AP2M1: variants seen among roughly 807,000 people sequenced by gnomAD.
The protein encoded by AP2M1 is adaptor related protein complex 2 subunit mu 1, also known as AP-2 complex subunit mu.
AP2M1 carries 5 observed loss-of-function variants against 54.5 expected under a neutral mutation model. That is an observed-to-expected ratio of 0.09 (90% confidence interval 0.05 to 0.19). AP2M1 has a LOEUF of 0.19. AP2M1 is among the 10% of genes least tolerant of loss of function. The pLI, the probability that AP2M1 is intolerant of heterozygous loss-of-function variation, is 1.00. For synonymous variants in AP2M1, 186 were observed against 208.2 expected (o/e 0.89, Z 0.92); for missense variants, 178 against 580.2 (o/e 0.31, Z 7.12).
At position 184,178,967 on chromosome 3, in the gene AP2M1, A is replaced by G; in HGVS notation, c.185A>G (p.Asn62Ser). ...AGCTTCTTCCACGTTAAGCGGTCCA[A>G]CATTTGGCTGGCAGCAGTCACCAAG... ...RTSFFHVKRS[N>S]IWLAAVTKQN... The change falls in exon 3 of 12, where the codon AAC becomes AGC. Residue 62 changes from asparagine (N) to serine (S), a missense_variant. Coordinates refer to ENST00000292807, the MANE Select transcript of AP2M1 (RefSeq NM_004068.4). The surrounding 1 kb of genome is among the most constrained non-coding windows in gnomAD (Gnocchi z 4.9). 1 of 1,614,214 alleles carries G rather than the reference A, an allele frequency of 6.2e-7. No individual in the cohort carries two copies. Among genetic ancestry groups the G allele is most frequent in the Non-Finnish European group, 8.5e-7 (1 of 1,180,046 alleles).
rs750151113 is a variant in AP2M1, at chr3:184,182,944, T to C, written c.1173+76T>C. The C allele has an allele frequency of 1.6e-6, 2 of 1,225,326 alleles. No homozygotes were observed. The highest frequency in any genetic ancestry group is 1.3e-5 in the South Asian group (1 of 79,466). 75.9% of individuals were successfully genotyped at this position (1,225,326 alleles called of 1,614,324 possible). On this transcript the variant is annotated intron_variant, in intron 11 of 11. Coordinates refer to ENST00000292807, the MANE Select transcript of AP2M1 (RefSeq NM_004068.4). This position sits in a 1 kb window ranked among gnomAD's most constrained non-coding sequence, Gnocchi z 5.5. The stretch of plus-strand genomic sequence containing the variant: ...CTTAGAGATCATTCCGATAAACTGC[T>C]GCACCTTAGAGGTGAGGAAACTGAG...
rs746045104 is a variant in AP2M1, at chr3:184,182,254, TCTTTC to T, written c.1061+10_1061+14del. 1.2e-6 allele frequency: 2 copies of T among 1,613,140 alleles called. No homozygotes were observed. Among genetic ancestry groups the T allele is most frequent in the Non-Finnish European group, 1.7e-6 (2 of 1,179,772 alleles). The stretch of plus-strand genomic sequence containing the variant: ...GAGAATGCCATCGTGTGGAAGTGAG[TCTTTC>T]CTTCATTAGGCCACAGCAGGGCTCA... On this transcript the variant is annotated splice_region_variant and intron_variant, in intron 10 of 11. Coordinates refer to ENST00000292807, the MANE Select transcript of AP2M1 (RefSeq NM_004068.4). The surrounding 1 kb of genome is among the most constrained non-coding windows in gnomAD (Gnocchi z 5.5).
Position 184,180,845 on chromosome 3 carries a change from G to A in AP2M1, c.430-4G>A, listed in dbSNP as rs943984204. ...CATTGCTGTTTGTTTCTGCCCTCATGTAGACAAAAGAAGAGCAGTCACAGA... is the reference window on the plus strand; with the variant it reads ...CATTGCTGTTTGTTTCTGCCCTCATATAGACAAAAGAAGAGCAGTCACAGA... On this transcript the variant is annotated splice_polypyrimidine_tract_variant and splice_region_variant and intron_variant, in intron 5 of 11. Coordinates refer to ENST00000292807, the MANE Select transcript of AP2M1 (RefSeq NM_004068.4). This position sits in a 1 kb window ranked among gnomAD's most constrained non-coding sequence, Gnocchi z 4.9. 1.9e-6 allele frequency: 3 copies of A among 1,614,196 alleles called. No homozygotes were observed. Among genetic ancestry groups the A allele is most frequent in the Non-Finnish European group, 2.5e-6 (3 of 1,180,044 alleles).
intron 2 of AP2M1, chr3:184,177,507 C>G: frequency 6.6e-7 from 1 of 1,526,302 alleles, no homozygotes; most frequent in Non-Finnish European, 8.8e-7. Flanking sequence ...GAAAGCCCCT[C>G]CAGGCTGCCC....
At chr3:184,179,662 CTTTTTTT>C (rs368749437) in intron 3 of AP2M1, among the ~76,000 whole-genome samples, 2 of 135,104 alleles carry the variant, frequency 1.5e-5, no homozygotes, top group East Asian at 2.1e-4. Context: ...GATTTCTTTT[CTTTTTTT>C]TTTTTTTTTG....
At chr3:184,177,732 C>T (rs1431838592) in intron 2 of AP2M1, 26 of 971,028 alleles carry the variant, frequency 2.7e-5, no homozygotes, top group Middle Eastern at 6.0e-4. Flanking sequence ...TCTCATTCTG[C>T]GCCCCCTTGC....
intron 1 of AP2M1, among the ~76,000 whole-genome samples, chr3:184,175,664 T>A (rs1715050399): frequency 6.6e-6 from 1 of 151,842 alleles, no homozygotes; most frequent in Non-Finnish European, 1.5e-5. Flanking sequence ...TGGGCTCACC[T>A]GAGGACGCTG....
At position 184,183,962 on chromosome 3, in the gene AP2M1, C is replaced by T. The variant is rs910677438; in HGVS notation, c.*346C>T. On this transcript the variant is annotated 3_prime_UTR_variant, in exon 12 of 12. Transcript: ENST00000292807. The surrounding 1 kb of genome is among the most constrained non-coding windows in gnomAD (Gnocchi z 5.7). ...TGGGAGGGTTGGTTGCCCCTCACCT[C>T]AGAGCTCCCCCAAAGGCCAGTAATG... The T allele has an allele frequency of 7.7e-6, 2 of 260,880 alleles. No individual in the cohort carries two copies. Among genetic ancestry groups the T allele is most frequent in the African/African-American group, 4.3e-5 (2 of 46,352 alleles). The allele number at this position is 260,880 out of a possible 1,614,324, so 16.2% of individuals were successfully genotyped here.
rs1030851458 is a variant in AP2M1, at chr3:184,181,294, A to C, written c.707+68A>C. ...AGGGCTCAGTGGGGTCTAGTGAACC[A>C]CAAGTTTCTTCTGGATTTCATTCCC... On this transcript the variant is annotated intron_variant, in intron 7 of 11. Coordinates refer to ENST00000292807, the MANE Select transcript of AP2M1 (RefSeq NM_004068.4). The surrounding 1 kb of genome is among the most constrained non-coding windows in gnomAD (Gnocchi z 5.7). 9 of 1,592,918 alleles carry C rather than the reference A, an allele frequency of 5.7e-6. No individual in the cohort carries two copies. Among genetic ancestry groups the C allele is most frequent in the Non-Finnish European group, 7.7e-6 (9 of 1,167,046 alleles).
At chr3:184,179,212 C>T in intron 3 of AP2M1, 90 bp downstream of exon 3, 1 of 1,473,018 alleles carries the variant, frequency 6.8e-7, no homozygotes, top group South Asian at 1.3e-5. Flanking sequence ...GTCCGAGGCT[C>T]TGGTACACTC....
chr3:184,177,341 A>G (rs948792643), intron 2 of AP2M1, among the ~76,000 whole-genome samples: 1 of 152,200 alleles, frequency 6.6e-6, no homozygotes, highest in Non-Finnish European at 1.5e-5. Flanking sequence ...CTCTAGTTAC[A>G]GTGCCTTTGC....
At position 184,180,138 on chromosome 3, in the gene AP2M1, C is replaced by T; in HGVS notation, c.341-31C>T. On this transcript the variant is annotated intron_variant, in intron 3 of 11. Coordinates refer to ENST00000292807, the MANE Select transcript of AP2M1 (RefSeq NM_004068.4). This position sits in a 1 kb window ranked among gnomAD's most constrained non-coding sequence, Gnocchi z 4.9. ...AGGGGCTGGAATGAAGAAGCTCTGT[C>T]CAGGGGCTGATGGTTCCCTTCTTTT... is the stretch of plus-strand genomic sequence containing the variant. 2.5e-6 allele frequency: 4 copies of T among 1,609,702 alleles called. No individual in the cohort carries two copies. The highest frequency in any genetic ancestry group is 3.4e-6 in the Non-Finnish European group (4 of 1,176,146).
rs1290317059 is a variant in AP2M1 at position 184,180,607 on chromosome 3, GCTT to G, written c.424-36_424-34del. On this transcript the variant is annotated intron_variant, in intron 4 of 11. Transcript: ENST00000292807. This position sits in a 1 kb window ranked among gnomAD's most constrained non-coding sequence, Gnocchi z 4.9. ...CTCCTCCTTTTCTGCCTCCCTTGCT[GCTT>G]CATGTGGGCACCTCGTTGGCCCTGC... The G allele has an allele frequency of 7.4e-6, 12 of 1,613,318 alleles. No homozygotes were observed. In the African/African-American group the frequency reaches 1.2e-4, roughly 16 times the overall value.
Position 184,178,317 on chromosome 3 carries a change from CT to C in AP2M1, c.75-539del. 1 of 1,444,450 alleles carries C rather than the reference CT, an allele frequency of 6.9e-7. No homozygotes were observed. Among genetic ancestry groups the C allele is most frequent in the Non-Finnish European group, 9.4e-7 (1 of 1,063,514 alleles). The allele number at this position is 1,444,450 out of a possible 1,614,324, so 89.5% of individuals were successfully genotyped here. ...TCCTTTTTCATTCCCTCAACTTGCT[CT>C]GGAGTTGGATCCTGGGCAAGAATGG... On this transcript the variant is annotated intron_variant, in intron 2 of 11. Coordinates refer to ENST00000292807, the MANE Select transcript of AP2M1 (RefSeq NM_004068.4). The surrounding 1 kb of genome is among the most constrained non-coding windows in gnomAD (Gnocchi z 4.9).
intron 2 of AP2M1, 47 bp downstream of exon 2, chr3:184,177,114 C>A (rs776133057): frequency 1.1e-5 from 17 of 1,571,706 alleles, no homozygotes; most frequent in Admixed American, 3.4e-5. Context: ...TCCAGCCCCC[C>A]AGCCCCAGCA....
rs1715220427 is a variant in AP2M1, at chr3:184,180,064, T to C, written c.341-105T>C. On this transcript the variant is annotated intron_variant, in intron 3 of 11. Coordinates refer to ENST00000292807, the MANE Select transcript of AP2M1 (RefSeq NM_004068.4). The surrounding 1 kb of genome is among the most constrained non-coding windows in gnomAD (Gnocchi z 4.9). ...AGCTAGAAGACTTTCTTGCGGATGA[T>C]CCCACATGGGCTTTGGGAGCTGTGC... 1.0e-6 allele frequency: 1 copy of C among 990,272 alleles called. No individual in the cohort carries two copies. The allele number at this position is 990,272 out of a possible 1,614,324, so 61.3% of individuals were successfully genotyped here.
chr3:184,177,764 G>T (rs1020519885), intron 2 of AP2M1: 11 of 715,344 alleles, frequency 1.5e-5, no homozygotes, highest in Non-Finnish European at 2.3e-5. Context: ...CTTTGCGACT[G>T]AAGGGACCTA....
At position 184,178,809 on chromosome 3, in the gene AP2M1, A is replaced by G. The variant is rs770921099; in HGVS notation, c.75-48A>G. ...CAGCTGTGGTTGATCCTTATGGGGT[A>G]AGGTTCACCTGGGTGCTGAGCAGGC... On this transcript the variant is annotated intron_variant, in intron 2 of 11. Coordinates refer to ENST00000292807, the MANE Select transcript of AP2M1 (RefSeq NM_004068.4). This position sits in a 1 kb window ranked among gnomAD's most constrained non-coding sequence, Gnocchi z 4.9. The G allele has an allele frequency of 1.0e-5, 16 of 1,596,878 alleles. No individual in the cohort carries two copies. Among genetic ancestry groups the G allele is most frequent in the African/African-American group, 2.7e-5 (2 of 74,584 alleles).
In AP2M1 at chr3:184,181,904, C is replaced by T. The variant is rs1164624717; in HGVS notation, c.828-8C>T. ...GCTCTTTGGTAACCTTGCTTCCCAT[C>T]CCTTAAGGTATCGCACAACCAAGGA... is the stretch of plus-strand genomic sequence containing the variant. On this transcript the variant is annotated splice_polypyrimidine_tract_variant and splice_region_variant and intron_variant, in intron 8 of 11. Coordinates refer to ENST00000292807, the MANE Select transcript of AP2M1 (RefSeq NM_004068.4). The surrounding 1 kb of genome is among the most constrained non-coding windows in gnomAD (Gnocchi z 5.7). The T allele has an allele frequency of 1.2e-6, 2 of 1,614,006 alleles. No homozygotes were observed. The highest frequency in any genetic ancestry group is 1.1e-5 in the South Asian group (1 of 91,050).
Sources: gnomAD v4.1 joint callset for allele counts (sites outside exome capture counted in the v4.1 genomes callset) on GRCh38, gnomAD v4.1.1 for gene constraint, Gnocchi (gnomAD v3.1) non-coding constraint, MANE v1.5 for transcripts, NCBI Gene and HGNC (gene_info 2026-07-23, HGNC 2026-07-21) for gene names.